MEIS2: variants seen among roughly 807,000 people sequenced by gnomAD.
MEIS2 encodes homeobox protein Meis2.
A neutral mutation model predicts 58.6 loss-of-function variants in MEIS2; 9 were observed. That is an observed-to-expected ratio of 0.15 (90% CI 0.09 to 0.27). The LOEUF is 0.27. MEIS2 is among the 10% of genes least tolerant of loss of function. MEIS2 has a pLI of 1.00. For missense variants in MEIS2, 427 were observed against 635.0 expected, an observed-to-expected ratio of 0.67 and a Z score of 3.52; for synonymous variants, 221 against 228.4, an observed-to-expected ratio of 0.97 and a Z score of 0.29.
intron 7 of MEIS2, among the ~76,000 whole-genome samples, chr15:37,048,850 A>G (rs1179165019): frequency 1.3e-5 from 2 of 152,184 alleles, no homozygotes; most frequent in African/African-American, 4.8e-5. Flanking sequence ...TATGGAGTTG[A>G]TGACTGGTTT....
intron 11 of MEIS2, chr15:36,894,555 T>C: frequency 1.8e-6 from 1 of 541,202 alleles, no homozygotes; most frequent in Non-Finnish European, 3.2e-6. Context: ...ATCAGTGTCA[T>C]CTGTGACTTC....
chr15:37,094,141 C>T lies in MEIS2; in HGVS notation c.489+386G>A, dbSNP rs191682688. On this transcript the variant is annotated intron_variant, in intron 5 of 11. Transcript: ENST00000561208. ...ATGTTTCCAGGGGAAAGTAATTGAG[C>T]TGCAGAGCAATGTAAAGACACCCAG... 81 of 270,918 alleles carry T rather than the reference C, an allele frequency of 3.0e-4. No individual in the cohort carries two copies. The Admixed American group carries it at 3.2e-3, about 11-fold the overall frequency. The allele number at this position is 270,918 out of a possible 1,614,324, so 16.8% of individuals were successfully genotyped here. A position where few individuals can be genotyped will look rare whatever the true frequency, so the allele number is the denominator to read the frequency against.
Position 36,944,535 on chromosome 15 carries a change from C to T in MEIS2, c.977+5789G>A, listed in dbSNP as rs192340346. On this transcript the variant is annotated intron_variant, in intron 9 of 11. Coordinates refer to ENST00000561208, the MANE Select transcript of MEIS2 (RefSeq NM_170675.5). ...CCCTTGGCATCTCTGCCTCTTTCCA[C>T]GGCCACTGATTTTTCTGGCATAGGA... Among the ~76,000 whole-genome samples the T allele has an allele frequency of 1.1e-4, 16 of 152,148 alleles. No homozygotes were observed. In the East Asian group the frequency reaches 2.5e-3, roughly 24 times the overall value.
At chr15:37,100,942 C>T (rs1895051402), upstream of MEIS2, 1 of 151,846 alleles carries the variant, frequency 6.6e-6, no homozygotes, top group Admixed American at 6.6e-5. Context: ...TGGGTCTTGC[C>T]GGGGACGTTT....
intron 9 of MEIS2, chr15:36,898,049 G>T (rs1162920126): frequency 6.6e-6 from 1 of 152,188 alleles, no homozygotes; most frequent in Non-Finnish European, 1.5e-5. Flanking sequence ...GGAGTCTTTT[G>T]CATATGGTGT....
At chr15:36,904,642 T>C (rs1336851814) in intron 9 of MEIS2, among the ~76,000 whole-genome samples, 6 of 151,944 alleles carry the variant, frequency 3.9e-5, no homozygotes, top group Non-Finnish European at 5.9e-5. Flanking sequence ...TTTCTTCTTT[T>C]TTTTTTTTTA....
rs1040516372 is a variant in MEIS2, at chr15:36,970,277, G to C, written c.901-19877C>G. ...AAATTAGCCAGGCGTGGTGGCGGGC[G>C]CCTGTAGTCCCAGCTACTCGGGAGG... On this transcript the variant is annotated intron_variant, in intron 8 of 11. Transcript: ENST00000561208. Among the ~76,000 whole-genome samples, 3 of 151,884 alleles carry C rather than the reference G, an allele frequency of 2.0e-5. No individual in the cohort carries two copies. The East Asian group carries it at 5.8e-4, about 30-fold the overall frequency.
Position 37,049,877 on chromosome 15 carries a change from T to C in MEIS2, c.755-12918A>G, listed in dbSNP as rs181476714. Among the ~76,000 whole-genome samples, 6 of 151,868 alleles carry C rather than the reference T, an allele frequency of 4.0e-5. No individual in the cohort carries two copies. In the East Asian group the frequency reaches 1.2e-3, roughly 29 times the overall value. ...AAAGCCTAGTAGTTGAACTTGAAGG[T>C]ATCCATAATTTTTTCTGAATTGCTT... On this transcript the variant is annotated intron_variant, in intron 7 of 11. Transcript: ENST00000561208.
At chr15:36,938,675 C>G (rs367995122) in intron 9 of MEIS2, among the ~76,000 whole-genome samples, 7 of 152,202 alleles carry the variant, frequency 4.6e-5, no homozygotes, top group African/African-American at 1.7e-4. Context: ...CGTTTTTCCT[C>G]TCACTTGCTT....
intron 8 of MEIS2, among the ~76,000 whole-genome samples, chr15:36,999,751 CTG>C (rs2060654255): frequency 6.6e-6 from 1 of 152,244 alleles, no homozygotes; most frequent in Non-Finnish European, 1.5e-5. Flanking sequence ...TGAAAGATAA[CTG>C]TGGAAAATAA....
intron 3 of MEIS2, 157 bp from the exon 4 acceptor site, chr15:37,095,771 C>T: frequency 1.0e-6 from 1 of 1,003,304 alleles, no homozygotes; most frequent in Admixed American, 2.4e-5. Flanking sequence ...AGTGGAGTCC[C>T]TGAAGAAGAA....
intron 7 of MEIS2, 126 bp downstream of exon 7, chr15:37,083,645 C>T: frequency 1.7e-6 from 1 of 600,468 alleles, no homozygotes; most frequent in Non-Finnish European, 2.8e-6. Context: ...CTTTAAATAG[C>T]AGCTGATTCT....
At chr15:36,933,620 G>T (rs2058061169) in intron 9 of MEIS2, among the ~76,000 whole-genome samples, 1 of 151,352 alleles carries the variant, frequency 6.6e-6, no homozygotes, top group Non-Finnish European at 1.5e-5. Context: ...TGGGCGGGGG[G>T]CGGAAATTTG....
rs1490440825 is a variant in MEIS2 at position 36,952,607 on chromosome 15, C to CTCTCTCTGTG, written c.901-2208_901-2207insCACAGAGAGA. Among the ~76,000 whole-genome samples, 136 of 140,088 alleles carry CTCTCTCTGTG rather than the reference C, an allele frequency of 9.7e-4. 1 individual carries two copies. The highest frequency in any genetic ancestry group is 3.1e-3 in the African/African-American group (117 of 37,384). The allele number at this position is 140,088 out of a possible 152,430, so 91.9% of individuals were successfully genotyped here. Reference sequence around the variant, plus strand: ...AGAGTCTGTCTGTCTGTCTCTCTCTCTGTGTGTGTGTGTGTGTGTGTGTGT... The same window carrying CTCTCTCTGTG: ...AGAGTCTGTCTGTCTGTCTCTCTCTCTCTCTCTGTGTGTGTGTGTGTGTGTGTGTGTGTGT... On this transcript the variant is annotated intron_variant, in intron 8 of 11. Coordinates refer to ENST00000561208, the MANE Select transcript of MEIS2 (RefSeq NM_170675.5).
intron 8 of MEIS2, among the ~76,000 whole-genome samples, chr15:37,001,960 C>T (rs2060745031): frequency 6.6e-6 from 1 of 152,090 alleles, no homozygotes; most frequent in Non-Finnish European, 1.5e-5. Context: ...TACACAAAAG[C>T]CTTGTAATGA....
At chr15:37,045,150 A>G (rs890812915) in intron 7 of MEIS2, among the ~76,000 whole-genome samples, 13 of 152,306 alleles carry the variant, frequency 8.5e-5, no homozygotes, top group Admixed American at 8.5e-4. Context: ...CCTCCACCTC[A>G]ACTCTGCCCT....
At chr15:37,098,308 A>G in intron 1 of MEIS2, 109 bp from the exon 2 acceptor site, 1 of 1,224,716 alleles carries the variant, frequency 8.2e-7, no homozygotes. Context: ...AAAAGAGAGG[A>G]AGGGATAAAG....
chr15:36,907,879 A>C (rs960807914), intron 9 of MEIS2, among the ~76,000 whole-genome samples: 4 of 152,102 alleles, frequency 2.6e-5, no homozygotes, highest in African/African-American at 9.7e-5. Context: ...TGTTTAAACC[A>C]AATGCTATTT....
At chr15:36,994,881 G>A (rs1190055609) in intron 8 of MEIS2, among the ~76,000 whole-genome samples, 3 of 152,174 alleles carry the variant, frequency 2.0e-5, no homozygotes, top group Middle Eastern at 6.8e-3. Context: ...TCTGGCTAAC[G>A]CTTTTATCCT....
Sources: allele counts gnomAD v4.1 joint callset (sites outside exome capture counted in the v4.1 genomes callset), GRCh38; gene constraint gnomAD v4.1.1; transcripts MANE v1.5; gene names NCBI Gene and HGNC (gene_info 2026-07-23, HGNC 2026-07-21).